SLC5A4: variants seen among roughly 807,000 people sequenced by gnomAD.
The protein encoded by SLC5A4 is probable glucose sensor protein SLC5A4.
SLC5A4 carries 55 observed loss-of-function variants against 70.3 expected under a neutral mutation model. The observed-to-expected ratio is 0.78, with a 90% CI of 0.63 to 0.98. The LOEUF (loss-of-function observed/expected upper bound fraction) is 0.98, where lower values mean the gene tolerates loss of function less well. Ranked by LOEUF, SLC5A4 falls within the 50% of genes least tolerant of loss-of-function variation. The probability of loss-of-function intolerance (pLI) is 0.00; values close to 1 mark genes in which losing one functional copy is unlikely to be tolerated. For synonymous variants in SLC5A4, 268 were observed against 305.7 expected (o/e 0.88, Z 1.29); for missense variants, 735 against 839.2 (o/e 0.88, Z 1.53).
chr22:32,239,540 AT>A (rs1463214845), intron 5 of SLC5A4, among the ~76,000 whole-genome samples: 1 of 12,924 alleles, frequency 7.7e-5, no homozygotes, highest in Non-Finnish European at 1.3e-4. Context: ...ATATATATAT[AT>A]ATATATATAT....
At chr22:32,321,200 TG>T in the SLC5A4 span, among the ~76,000 whole-genome samples, 1 of 152,160 alleles carries the variant, frequency 6.6e-6, no homozygotes, top group Non-Finnish European at 1.5e-5. Context: ...GCAGAAGAAC[TG>T]CTTGAACCCA....
At chr22:32,271,236 T>C in the SLC5A4 span, 1 of 793,202 alleles carries the variant, frequency 1.3e-6, no homozygotes. Context: ...AGAACTTCCC[T>C]GTGGGGCAGC....
At chr22:32,293,829 T>C in the SLC5A4 span, among the ~76,000 whole-genome samples, 1 of 152,148 alleles carries the variant, frequency 6.6e-6, no homozygotes, top group African/African-American at 2.4e-5. Context: ...AAAATTTTAA[T>C]CTTTTCTAAG....
chr22:32,336,938 A>C, the SLC5A4 span, among the ~76,000 whole-genome samples: 1 of 152,226 alleles, frequency 6.6e-6, no homozygotes, highest in Non-Finnish European at 1.5e-5. Context: ...TGAGTAAATT[A>C]ATCTTGTCTG....
chr22:32,289,704 C>T, the SLC5A4 span, among the ~76,000 whole-genome samples: 8 of 152,304 alleles, frequency 5.3e-5, no homozygotes, highest in East Asian at 3.9e-4. Flanking sequence ...AACTGTGAGT[C>T]ATTAAACCTC....
the SLC5A4 span, among the ~76,000 whole-genome samples, chr22:32,291,074 T>G: frequency 2.6e-5 from 4 of 152,184 alleles, no homozygotes; most frequent in African/African-American, 9.6e-5. Context: ...GCCAGGGATT[T>G]ATCAATTTTA....
the SLC5A4 span, among the ~76,000 whole-genome samples, chr22:32,283,164 C>G: frequency 1.3e-5 from 2 of 152,240 alleles, no homozygotes; most frequent in Non-Finnish European, 2.9e-5. Context: ...TTCACTTTCT[C>G]CTGTTCACTG....
At chr22:32,348,187 G>C in the SLC5A4 span, among the ~76,000 whole-genome samples, 2 of 152,200 alleles carry the variant, frequency 1.3e-5, no homozygotes, top group African/African-American at 4.8e-5. Flanking sequence ...GACACCTCCA[G>C]GGCCCCACCC....
At chr22:32,354,018 C>T in the SLC5A4 span, among the ~76,000 whole-genome samples, 1 of 151,110 alleles carries the variant, frequency 6.6e-6, no homozygotes, top group East Asian at 2.0e-4. Flanking sequence ...ACCCCCTGCG[C>T]GGGCAAGGTA....
the SLC5A4 span, among the ~76,000 whole-genome samples, chr22:32,346,170 C>A: frequency 6.6e-6 from 1 of 152,088 alleles, no homozygotes; most frequent in African/African-American, 2.4e-5. Flanking sequence ...AGACACAGAC[C>A]ATAGGCAGCA....
chr22:32,300,890 G>A, the SLC5A4 span, among the ~76,000 whole-genome samples: 96,172 of 151,980 alleles, frequency 0.63, 30,529 homozygotes, highest in East Asian at 0.7. Flanking sequence ...AGGTTTTTGT[G>A]TGAACATTAG....
the SLC5A4 span, among the ~76,000 whole-genome samples, chr22:32,274,195 A>C: frequency 6.6e-6 from 1 of 151,948 alleles, no homozygotes; most frequent in African/African-American, 2.4e-5. Context: ...GCCCGCCAAC[A>C]AGCCTGGCTA....
At chr22:32,318,412 C>T in the SLC5A4 span, among the ~76,000 whole-genome samples, 7 of 152,076 alleles carry the variant, frequency 4.6e-5, no homozygotes, top group Non-Finnish European at 7.4e-5. Flanking sequence ...AAACGAAAAT[C>T]CCAACCTTCC....
At chr22:32,334,320 C>A in the SLC5A4 span, among the ~76,000 whole-genome samples, 5 of 152,318 alleles carry the variant, frequency 3.3e-5, no homozygotes, top group East Asian at 9.6e-4. Context: ...CAGCCCCGCC[C>A]CTCCAGCACT....
the SLC5A4 span, among the ~76,000 whole-genome samples, chr22:32,290,765 C>T: frequency 6.6e-6 from 1 of 152,224 alleles, no homozygotes; most frequent in South Asian, 2.1e-4. Flanking sequence ...AATGCTGTGT[C>T]TTCACATGAT....
the SLC5A4 span, among the ~76,000 whole-genome samples, chr22:32,351,052 T>TCC: frequency 6.6e-6 from 1 of 152,168 alleles, no homozygotes; most frequent in East Asian, 1.9e-4. Flanking sequence ...CACATGATCC[T>TCC]CCCCTTCCTT....
the SLC5A4 span, among the ~76,000 whole-genome samples, chr22:32,333,208 G>A: frequency 8.1e-6 from 1 of 122,904 alleles, no homozygotes; most frequent in African/African-American, 2.8e-5. Flanking sequence ...CCCCCCCCCA[G>A]AAGACTCAGA....
the SLC5A4 span, among the ~76,000 whole-genome samples, chr22:32,306,872 C>CTGGGTAT: frequency 6.6e-6 from 1 of 151,624 alleles, no homozygotes; most frequent in East Asian, 1.9e-4. Flanking sequence ...TAGGAAGAAA[C>CTGGGTAT]TGGGTATGAG....
At chr22:32,238,912 A>G (rs1926219421) in intron 6 of SLC5A4, 73 bp downstream of exon 6, 4 of 1,007,140 alleles carry the variant, frequency 4.0e-6, no homozygotes, top group Non-Finnish European at 6.4e-6. Context: ...GTTAACACTG[A>G]GAATGCTAAT....
Sources: allele counts gnomAD v4.1 joint callset (sites outside exome capture counted in the v4.1 genomes callset), GRCh38; gene constraint gnomAD v4.1.1; transcripts MANE v1.5; gene names NCBI Gene and HGNC (gene_info 2026-07-23, HGNC 2026-07-21).